The following RBMS1 variants were observed in gnomAD, a reference collection of about 807,000 sequenced individuals.
The protein encoded by RBMS1 is RNA binding motif single stranded interacting protein 1.
A neutral mutation model predicts 62.3 loss-of-function variants in RBMS1; 17 were observed. The observed-to-expected ratio is 0.27, with a 90% CI of 0.19 to 0.41. The LOEUF (loss-of-function observed/expected upper bound fraction) is 0.41. RBMS1 is among the 10% of genes least tolerant of loss of function. RBMS1 has a pLI of 1.00. For missense variants in RBMS1, 334 were observed against 504.5 expected (o/e 0.66, Z 3.24); for synonymous variants, 172 against 170.0 (o/e 1.01, Z -0.09).
intron 1 of RBMS1, among the ~76,000 whole-genome samples, chr2:160,481,942 T>C (rs1685389726): frequency 6.6e-6 from 1 of 152,204 alleles, no homozygotes; most frequent in South Asian, 2.1e-4. Flanking sequence ...AACATACACA[T>C]ATCCTATGAC....
chr2:160,450,624 A>C (rs1209661896), intron 1 of RBMS1, among the ~76,000 whole-genome samples: 2 of 149,744 alleles, frequency 1.3e-5, no homozygotes, highest in East Asian at 3.9e-4. Flanking sequence ...TTTGTTTTGT[A>C]GATGTAGATA....
intron 1 of RBMS1, among the ~76,000 whole-genome samples, chr2:160,452,980 G>C (rs1684056150): frequency 1.3e-5 from 2 of 152,162 alleles, no homozygotes; most frequent in African/African-American, 4.8e-5. Context: ...TCTGTAGGAT[G>C]GGGTAATAGT....
At chr2:160,364,493 C>G (rs1693293959) in intron 2 of RBMS1, among the ~76,000 whole-genome samples, 2 of 151,902 alleles carry the variant, frequency 1.3e-5, no homozygotes, top group African/African-American at 2.4e-5. Context: ...GAGCTCCTAC[C>G]CCACATGCCT....
chr2:160,471,441 GTT>G (rs937408709), intron 1 of RBMS1, among the ~76,000 whole-genome samples: 2 of 151,680 alleles, frequency 1.3e-5, no homozygotes, highest in East Asian at 3.9e-4. Context: ...GATATTTTAA[GTT>G]TATAAAGTCA....
At chr2:160,435,609 A>G (rs1683077467) in intron 1 of RBMS1, among the ~76,000 whole-genome samples, 2 of 152,232 alleles carry the variant, frequency 1.3e-5, no homozygotes, top group South Asian at 4.1e-4. Flanking sequence ...CTTTTACATT[A>G]GAATTCCAGC....
intron 2 of RBMS1, among the ~76,000 whole-genome samples, chr2:160,346,139 T>C (rs964767342): frequency 1.2e-4 from 18 of 152,152 alleles, no homozygotes; most frequent in African/African-American, 3.6e-4. Context: ...AAAAAAACTT[T>C]TAGCTAGAGC....
At chr2:160,479,831 G>A (rs12104885) in intron 1 of RBMS1, among the ~76,000 whole-genome samples, 1 of 152,148 alleles carries the variant, frequency 6.6e-6, no homozygotes, top group African/African-American at 2.4e-5. Context: ...TAGAGTTGAA[G>A]GAACTTCAGA....
intron 6 of RBMS1, among the ~76,000 whole-genome samples, chr2:160,298,117 GA>G (rs1689033283): frequency 6.6e-6 from 1 of 152,220 alleles, no homozygotes; most frequent in Non-Finnish European, 1.5e-5. Flanking sequence ...AAGGGAGGGA[GA>G]AGGTAGATTC....
intron 1 of RBMS1, among the ~76,000 whole-genome samples, chr2:160,450,670 C>T (rs1426517549): frequency 6.6e-6 from 1 of 150,620 alleles, no homozygotes; most frequent in East Asian, 1.9e-4. Context: ...TCATTACAAG[C>T]TGAGATATCA....
chr2:160,472,662 T>C (rs1303393319), intron 1 of RBMS1, among the ~76,000 whole-genome samples: 2 of 152,230 alleles, frequency 1.3e-5, no homozygotes, highest in Non-Finnish European at 2.9e-5. Flanking sequence ...TGTAATTAAA[T>C]ACAATCTCCC....
chr2:160,387,017 C>T (rs921434102), intron 1 of RBMS1, among the ~76,000 whole-genome samples: 2 of 152,190 alleles, frequency 1.3e-5, no homozygotes, highest in Non-Finnish European at 2.9e-5. Context: ...TAGGTGTCAG[C>T]TGAAGAACTG....
At chr2:160,321,107 C>T (rs1690535911) in intron 2 of RBMS1, among the ~76,000 whole-genome samples, 1 of 152,052 alleles carries the variant, frequency 6.6e-6, no homozygotes, top group Non-Finnish European at 1.5e-5. Context: ...CTGCTTTCAA[C>T]ATTTAATGAT....
Position 160,367,286 on chromosome 2 carries a change from T to C in RBMS1, c.181A>G (p.Lys61Glu). ...AGTCCTCGGATATAGAGGTTCGTTT[T>C]GCTGAGCTGATCCCATCCTGAGTTG... is the stretch of plus-strand genomic sequence containing the variant. ...SSNSGWDQLS[K>E]TNLYIRGLPP... Residue 61 changes from lysine to glutamate, a missense_variant, in exon 2 of 14, where the codon AAA becomes GAA. Lys to Glu is a moderately conservative substitution (Grantham distance 56). Coordinates refer to ENST00000348849, the MANE Select transcript of RBMS1 (RefSeq NM_016836.4). 1.2e-6 allele frequency: 2 copies of C among 1,614,066 alleles called. No individual in the cohort carries two copies. Among genetic ancestry groups the C allele is most frequent in the Non-Finnish European group, 1.7e-6 (2 of 1,179,990 alleles).
chr2:160,300,551 G>A, intron 6 of RBMS1, 100 bp downstream of exon 6: 2 of 1,380,410 alleles, frequency 1.4e-6, no homozygotes, highest in South Asian at 4.1e-5. Context: ...CTTAAAGAGT[G>A]AAATGAGGGG....
intron 1 of RBMS1, among the ~76,000 whole-genome samples, chr2:160,491,781 T>C (rs573985759): frequency 1.3e-5 from 2 of 152,334 alleles, no homozygotes; most frequent in South Asian, 2.1e-4. Context: ...AAAATTTCTT[T>C]GAACAGCTAC....
chr2:160,331,383 TG>T (rs1257984988), intron 2 of RBMS1, among the ~76,000 whole-genome samples: 11 of 152,182 alleles, frequency 7.2e-5, no homozygotes, highest in South Asian at 2.1e-4. Flanking sequence ...CGACCTTCCC[TG>T]GCTGAGCTGA....
At chr2:160,381,271 AT>A (rs1694271063) in intron 1 of RBMS1, among the ~76,000 whole-genome samples, 1 of 152,124 alleles carries the variant, frequency 6.6e-6, no homozygotes, top group Admixed American at 6.5e-5. Context: ...CTTTTTACCC[AT>A]TTTAGTAAAA....
At chr2:160,326,514 A>C (rs1690937219) in intron 2 of RBMS1, among the ~76,000 whole-genome samples, 1 of 152,160 alleles carries the variant, frequency 6.6e-6, no homozygotes, top group South Asian at 2.1e-4. Context: ...GAGTTATGGA[A>C]ACTTAAGTCT....
chr2:160,327,844 C>T (rs1691040864), intron 2 of RBMS1, among the ~76,000 whole-genome samples: 1 of 152,148 alleles, frequency 6.6e-6, no homozygotes. Flanking sequence ...GAATGTCCAA[C>T]TTTTAAAGCA....
Sources: gnomAD v4.1 joint callset for allele counts (sites outside exome capture counted in the v4.1 genomes callset) on GRCh38, gnomAD v4.1.1 for gene constraint, MANE v1.5 for transcripts, NCBI Gene and HGNC (gene_info 2026-07-23, HGNC 2026-07-21) for gene names.